Variants in MIS18BP1 observed in about 807,000 individuals in gnomAD.
MIS18BP1 encodes mis18-binding protein 1.
A neutral mutation model predicts 116.1 loss-of-function variants in MIS18BP1; 72 were observed. The ratio of observed to expected loss-of-function variants is 0.62; its 90% confidence interval spans 0.51 to 0.75. The LOEUF is 0.75. Among genes scored for constraint, MIS18BP1 ranks in the 30% least tolerant of loss-of-function variants. MIS18BP1 has a pLI of 0.00. For synonymous variants in MIS18BP1, 386 were observed against 427.0 expected (o/e 0.90, Z 1.18); for missense variants, 1,363 against 1,303.2 (o/e 1.05, Z -0.71).
At chr14:45,237,168 T>C (rs1403197002) in intron 5 of MIS18BP1, among the ~76,000 whole-genome samples, 1 of 152,174 alleles carries the variant, frequency 6.6e-6, no homozygotes, top group Non-Finnish European at 1.5e-5. Flanking sequence ...TAAAGCCCAC[T>C]TACCTGGTGA....
rs1890438660 is a variant in MIS18BP1 at position 45,204,025 on chromosome 14, A to G, written c.*84T>C. On this transcript the variant is annotated 3_prime_UTR_variant, in exon 17 of 17. Coordinates refer to ENST00000310806, the MANE Select transcript of MIS18BP1 (RefSeq NM_018353.5). ...CATTTTCATAGGAAGCTACTTTACA[A>G]AGAAAATACATGTACTCCAGTTGAA... The G allele has an allele frequency of 6.6e-6, 10 of 1,504,110 alleles. No homozygotes were observed. The highest frequency in any genetic ancestry group is 8.8e-6 in the Non-Finnish European group (10 of 1,130,586). The allele number at this position is 1,504,110 out of a possible 1,614,324, so 93.2% of individuals were successfully genotyped here. A position where few individuals can be genotyped will look rare whatever the true frequency, so the allele number is the denominator to read the frequency against.
intron 11 of MIS18BP1, among the ~76,000 whole-genome samples, chr14:45,222,862 A>C (rs1380429756): frequency 6.6e-6 from 1 of 152,176 alleles, no homozygotes; most frequent in Non-Finnish European, 1.5e-5. Context: ...TGCCTCACAC[A>C]ACTGAATTTT....
chr14:45,242,002 GAAAT>G, intron 4 of MIS18BP1, 28 bp downstream of exon 4: 1 of 1,550,916 alleles, frequency 6.4e-7, no homozygotes. Context: ...GGTAAAAATA[GAAAT>G]AAATATCTGT....
intron 2 of MIS18BP1, among the ~76,000 whole-genome samples, chr14:45,243,993 T>A (rs1374924774): frequency 2.0e-5 from 3 of 152,152 alleles, no homozygotes; most frequent in African/African-American, 7.2e-5. Flanking sequence ...TGCTTCTTCC[T>A]TTTCTCCCAG....
chr14:45,206,315 C>G, intron 14 of MIS18BP1, 145 bp from the exon 15 acceptor site: 1 of 602,504 alleles, frequency 1.7e-6, no homozygotes, highest in Non-Finnish European at 2.9e-6. Flanking sequence ...GAAACAGGGT[C>G]TCACTCTGTC....
At chr14:45,233,103 G>A (rs1891334138) in intron 6 of MIS18BP1, among the ~76,000 whole-genome samples, 1 of 152,134 alleles carries the variant, frequency 6.6e-6, no homozygotes, top group African/African-American at 2.4e-5. Flanking sequence ...ATATGTCCAT[G>A]GGGGAGTAAA....
rs779909507 is a variant in MIS18BP1 at position 45,206,148 on chromosome 14, A to T, written c.3175T>A (p.Phe1059Ile). Residue 1059 changes from phenylalanine (F) to isoleucine (I), a missense_variant, in exon 15 of 17, where the codon TTT becomes ATT. Physicochemically the swap from Phe to Ile is conservative, Grantham distance 21. Transcript: ENST00000310806. ...CTTTTATGATATTTTTGCATACGAA[A>T]AACATATTTATCACAGTCATTCCTG... is the stretch of plus-strand genomic sequence containing the variant. The part of the protein sequence containing the change: ...INRNDCDKYV[F>I]RMQKYHKSNG... 5.0e-6 allele frequency: 8 copies of T among 1,606,652 alleles called. No individual in the cohort carries two copies. The South Asian group carries it at 8.9e-5, about 18-fold the overall frequency.
intron 7 of MIS18BP1, chr14:45,232,445 CA>C: frequency 1.1e-5 from 2 of 179,532 alleles, no homozygotes; most frequent in Non-Finnish European, 2.2e-5. Context: ...AAAACAACAA[CA>C]AAAAAACTGG....
chr14:45,208,330 G>GTTTT (rs1166566812), intron 14 of MIS18BP1, among the ~76,000 whole-genome samples: 14 of 120,910 alleles, frequency 1.2e-4, no homozygotes, highest in Admixed American at 2.7e-4. Flanking sequence ...GGATGAAGTT[G>GTTTT]TTTTTTTTTT....
intron 13 of MIS18BP1, among the ~76,000 whole-genome samples, chr14:45,211,643 C>T (rs1474045388): frequency 6.6e-6 from 1 of 152,114 alleles, no homozygotes; most frequent in Admixed American, 6.5e-5. Context: ...GTAGTTGGAC[C>T]CCTATTGCTG....
rs746552850 is a variant in MIS18BP1 at position 45,210,492 on chromosome 14, TATC to T, written c.3037_3039del (p.Asp1013del). 6 of 1,613,922 alleles carry T rather than the reference TATC, an allele frequency of 3.7e-6. No homozygotes were observed. The highest frequency in any genetic ancestry group is 2.2e-5 in the East Asian group (1 of 44,854). On this transcript the variant is annotated inframe_deletion, in exon 14 of 17. Transcript: ENST00000310806. ...GGATTTTTGTCCATATTTGGCAGAA[TATC>T]ATCATCATCTTCACTGTCCTGGAAA...
Position 45,220,916 on chromosome 14 carries a change from C to G in MIS18BP1, c.2670-2462G>C, listed in dbSNP as rs145817847. Among the ~76,000 whole-genome samples the G allele has an allele frequency of 7.2e-3, 1,095 of 152,152 alleles. 21 individuals carry two copies. Among genetic ancestry groups the G allele is most frequent in the African/African-American group, 0.025 (1,041 of 41,524 alleles). ...TTGGGAGGCCAAGGCAGGTGAATCA[C>G]TTGAGGTCAGGAGTTCGAGACCAGC... is the stretch of plus-strand genomic sequence containing the variant. On this transcript the variant is annotated intron_variant, in intron 11 of 16. Coordinates refer to ENST00000310806, the MANE Select transcript of MIS18BP1 (RefSeq NM_018353.5).
In MIS18BP1 at chr14:45,224,129, C is replaced by G. The variant is rs755560774; in HGVS notation, c.2458G>C (p.Glu820Gln). The G allele has an allele frequency of 6.2e-7, 1 of 1,613,178 alleles. No homozygotes were observed. The highest frequency in any genetic ancestry group is 8.5e-7 in the Non-Finnish European group (1 of 1,179,858). The change falls in exon 11 of 17, where the codon GAA (glutamate) becomes CAA (glutamine). Residue 820 changes from glutamate (E) to glutamine (Q), a missense_variant. Physicochemically the swap from Glu to Gln is conservative, Grantham distance 29. Transcript: ENST00000310806. ...AATTCATTTTCACTTTCTTCAGTTT[C>G]AGGTTCCAAAATCACTGGAATATTA... ...TSNIPVILEPETEESENEFYI... is the reference protein window; with the variant it reads ...TSNIPVILEPQTEESENEFYI...
chr14:45,235,602 A>AC lies in MIS18BP1; in HGVS notation c.1348+211_1348+212insG, dbSNP rs1461059308. Among the ~76,000 whole-genome samples the AC allele has an allele frequency of 4.5e-3, 680 of 151,908 alleles. 5 individuals carry two copies. Among genetic ancestry groups the AC allele is most frequent in the African/African-American group, 0.015 (642 of 41,436 alleles). ...AAGACTCCATTTCCAAAAAAAAAAA[A>AC]AAAAACAAAAACACATAACTTATTA... is the stretch of plus-strand genomic sequence containing the variant. On this transcript the variant is annotated intron_variant, in intron 6 of 16. Coordinates refer to ENST00000310806, the MANE Select transcript of MIS18BP1 (RefSeq NM_018353.5).
intron 11 of MIS18BP1, among the ~76,000 whole-genome samples, 157 bp from the exon 12 acceptor site, chr14:45,218,611 C>T (rs1010510449): frequency 6.6e-6 from 1 of 151,596 alleles, no homozygotes; most frequent in African/African-American, 2.4e-5. Context: ...ATTATTCCTT[C>T]CCCTCAATAA....
At chr14:45,252,054 A>G (rs1182639377) in intron 1 of MIS18BP1, among the ~76,000 whole-genome samples, 3 of 152,192 alleles carry the variant, frequency 2.0e-5, no homozygotes, top group Admixed American at 6.5e-5. Context: ...ATTACTCCCA[A>G]TTTGAAAAAA....
chr14:45,216,973 C>T (rs772143168), intron 13 of MIS18BP1, 46 bp downstream of exon 13: 8 of 1,581,730 alleles, frequency 5.1e-6, no homozygotes, highest in Admixed American at 1.8e-5. Context: ...ATGAAAGATA[C>T]AAAAGTCAAT....
intron 5 of MIS18BP1, 152 bp from the exon 6 acceptor site, chr14:45,236,096 C>T (rs1297261280): frequency 1.5e-5 from 11 of 722,130 alleles, no homozygotes; most frequent in South Asian, 9.9e-5. Flanking sequence ...CAGAACTCAA[C>T]TGCTTGGCTA....
chr14:45,205,739 G>C (rs1196494928), intron 15 of MIS18BP1, among the ~76,000 whole-genome samples: 1 of 152,192 alleles, frequency 6.6e-6, no homozygotes, highest in Non-Finnish European at 1.5e-5. Context: ...GACTCAGTCT[G>C]AATTATTCTT....
Sources: allele counts gnomAD v4.1 joint callset (sites outside exome capture counted in the v4.1 genomes callset), GRCh38; gene constraint gnomAD v4.1.1; transcripts MANE v1.5; gene names NCBI Gene and HGNC (gene_info 2026-07-23, HGNC 2026-07-21).